Variants in TMEM183A observed in about 807,000 individuals in gnomAD.
TMEM183A encodes the protein transmembrane protein 183A, also known as chromosome 1 open reading frame 37.
A neutral mutation model predicts 46.7 loss-of-function variants in TMEM183A; 21 were observed. That is an observed-to-expected ratio of 0.45 (90% CI 0.32 to 0.65). TMEM183A has a LOEUF of 0.65. TMEM183A is among the 30% of genes least tolerant of loss of function. The pLI, the probability that TMEM183A is intolerant of heterozygous loss-of-function variation, is 0.04. For missense variants in TMEM183A, 331 were observed against 481.9 expected, an observed-to-expected ratio of 0.69 and a Z score of 2.93; for synonymous variants, 165 against 180.2, an observed-to-expected ratio of 0.92 and a Z score of 0.68.
intron 3 of TMEM183A, among the ~76,000 whole-genome samples, chr1:203,009,492 A>G (rs1245255663): frequency 6.6e-6 from 1 of 152,056 alleles, no homozygotes; most frequent in South Asian, 2.1e-4. Context: ...TTATTTATTT[A>G]TTTTTTTGAG....
chr1:203,008,387 C>T lies in TMEM183A; in HGVS notation c.200-256C>T, dbSNP rs1466702799. Among the ~76,000 whole-genome samples, 5 of 151,510 alleles carry T rather than the reference C, an allele frequency of 3.3e-5. No homozygotes were observed. In the South Asian group the frequency reaches 8.3e-4, roughly 25 times the overall value. On this transcript the variant is annotated intron_variant, in intron 2 of 7. Coordinates refer to ENST00000367242, the MANE Select transcript of TMEM183A (RefSeq NM_138391.6). ...GTTTATAGTGGAAAAATTGTACACA[C>T]CTTTTTTCTTCAGGGCTGAAAAAAG...
chr1:203,008,447 G>A (rs944773661), intron 2 of TMEM183A, among the ~76,000 whole-genome samples, 196 bp from the exon 3 acceptor site: 2 of 108,430 alleles, frequency 1.8e-5, no homozygotes, highest in Non-Finnish European at 3.7e-5. Context: ...TTTGCCCATT[G>A]CTTTCCTTTT....
intron 7 of TMEM183A, among the ~76,000 whole-genome samples, chr1:203,021,391 G>A (rs949527858): frequency 3.3e-5 from 5 of 152,040 alleles, no homozygotes; most frequent in African/African-American, 7.2e-5. Context: ...AACCATGAAG[G>A]AAGGTATCTT....
intron 3 of TMEM183A, among the ~76,000 whole-genome samples, chr1:203,010,300 AATT>A (rs1656437940): frequency 6.6e-6 from 1 of 152,118 alleles, no homozygotes; most frequent in South Asian, 2.1e-4. Context: ...ATTGCTTTGG[AATT>A]ATTCTAGTTA....
At position 203,023,435 on chromosome 1, in the gene TMEM183A, ATTG is replaced by A. The variant is rs1657907050; in HGVS notation, c.*399_*401del. 1 of 152,830 alleles carries A rather than the reference ATTG, an allele frequency of 6.5e-6. No individual in the cohort carries two copies. Among genetic ancestry groups the A allele is most frequent in the African/African-American group, 2.4e-5 (1 of 41,332 alleles). The allele number at this position is 152,830 out of a possible 1,614,324, so 9.5% of individuals were successfully genotyped here. On this transcript the variant is annotated 3_prime_UTR_variant, in exon 8 of 8. Coordinates refer to ENST00000367242, the MANE Select transcript of TMEM183A (RefSeq NM_138391.6). The stretch of plus-strand genomic sequence containing the variant: ...ATCAGAGGAACCTTAGAGGCCTGAA[ATTG>A]TTGCTTCCAGTTTAGCTGCCCCTCA...
At chr1:203,021,403 T>G (rs1657669324) in intron 7 of TMEM183A, among the ~76,000 whole-genome samples, 1 of 152,112 alleles carries the variant, frequency 6.6e-6, no homozygotes, top group African/African-American at 2.4e-5. Context: ...AGGTATCTTT[T>G]TTCAAAAAAA....
chr1:203,019,890 C>A (rs1218249123), intron 6 of TMEM183A, among the ~76,000 whole-genome samples: 1 of 151,678 alleles, frequency 6.6e-6, no homozygotes, highest in Non-Finnish European at 1.5e-5. Context: ...ACCCTATATT[C>A]TTATGTGGAA....
intron 5 of TMEM183A, chr1:203,017,892 G>A (rs566309947): frequency 4.9e-5 from 48 of 986,178 alleles, no homozygotes; most frequent in African/African-American, 7.0e-5. Flanking sequence ...CTGGCACGGC[G>A]GACGACCCAC....
Position 203,010,637 on chromosome 1 carries a change from A to C in TMEM183A, c.367+1827A>C, listed in dbSNP as rs1265669203. On this transcript the variant is annotated intron_variant, in intron 3 of 7. Transcript: ENST00000367242. ...TCACTTGAAATCGCTACTTATCACC[A>C]TTCTATTAGGGATTTATCTTCTTGT... Among the ~76,000 whole-genome samples, 3 of 152,288 alleles carry C rather than the reference A, an allele frequency of 2.0e-5. 1 individual carries two copies. In the South Asian group the frequency reaches 6.2e-4, roughly 32 times the overall value.
intron 3 of TMEM183A, among the ~76,000 whole-genome samples, chr1:203,010,473 T>C (rs146667202): frequency 2.0e-5 from 3 of 152,204 alleles, no homozygotes; most frequent in African/African-American, 7.2e-5. Context: ...CGATTAGGGC[T>C]GCTCGACCAA....
rs919343123 is a variant in TMEM183A, at chr1:203,008,878, C to T, written c.367+68C>T. 38 of 1,425,820 alleles carry T rather than the reference C, an allele frequency of 2.7e-5. No individual in the cohort carries two copies. In the African/African-American group the frequency reaches 4.6e-4, roughly 17 times the overall value. 88.3% of individuals were successfully genotyped at this position (1,425,820 alleles called of 1,614,324 possible). On this transcript the variant is annotated intron_variant, in intron 3 of 7. Coordinates refer to ENST00000367242, the MANE Select transcript of TMEM183A (RefSeq NM_138391.6). ...GTGACAAATTGAAGATGTTACTTTC[C>T]CAGTAGCACAGGAGGAGATATAAGA... is the stretch of plus-strand genomic sequence containing the variant.
chr1:203,016,271 T>G (rs1301329098), intron 5 of TMEM183A, 131 bp downstream of exon 5: 1 of 1,314,928 alleles, frequency 7.6e-7, no homozygotes. Context: ...AATGTAAACT[T>G]CAGGGCTCAG....
rs767389154 is a variant in TMEM183A, at chr1:203,022,932, T to C, written c.1023T>C (p.Gly341=). 8.7e-6 allele frequency: 14 copies of C among 1,613,026 alleles called. No individual in the cohort carries two copies. The African/African-American group carries it at 1.7e-4, about 20-fold the overall frequency. ...TCCAAGATTCCCCTGTCCATGGTGG[T>C]CGGAAACTGCGCAGTGAACAGGGTG... The part of the protein sequence containing the change: ...LVFQDSPVHG[G]RKLRSEQGVQ... Residue 341 remains glycine, a synonymous_variant, in exon 8 of 8, where the codon GGT becomes GGC. Transcript: ENST00000367242.
Position 203,018,576 on chromosome 1 carries a change from CT to C in TMEM183A, c.789+18del, listed in dbSNP as rs900623897. On this transcript the variant is annotated intron_variant, in intron 6 of 7. Coordinates refer to ENST00000367242, the MANE Select transcript of TMEM183A (RefSeq NM_138391.6). ...TCAAAAAACAGGTACGTGGTCTTCTCTTTGTTTTTCAGATAATACCTTGTTC... is the reference window on the plus strand; with the variant it reads ...TCAAAAAACAGGTACGTGGTCTTCTCTTGTTTTTCAGATAATACCTTGTTC... 6 of 1,611,432 alleles carry C rather than the reference CT, an allele frequency of 3.7e-6. No individual in the cohort carries two copies. Among genetic ancestry groups the C allele is most frequent in the Middle Eastern group, 1.7e-4 (1 of 5,978 alleles).
intron 6 of TMEM183A, among the ~76,000 whole-genome samples, chr1:203,019,894 T>G (rs191658975): frequency 1.3e-5 from 2 of 152,200 alleles, no homozygotes; most frequent in Non-Finnish European, 2.9e-5. Context: ...TATATTCTTA[T>G]GTGGAATTAT....
In TMEM183A at chr1:203,021,052, G is replaced by C. The variant is rs12035391; in HGVS notation, c.945+104G>C. The C allele has an allele frequency of 3.8e-5, 42 of 1,108,300 alleles. 3 individuals carry two copies. In the South Asian group the frequency reaches 7.3e-4, roughly 19 times the overall value. 68.7% of individuals were successfully genotyped at this position (1,108,300 alleles called of 1,614,324 possible). ...CTTTTTTTTTTTTTTTTTTTTAAGA[G>C]ACGTGGTCTCACTCTGTCACTCAGG... On this transcript the variant is annotated intron_variant, in intron 7 of 7. Coordinates refer to ENST00000367242, the MANE Select transcript of TMEM183A (RefSeq NM_138391.6).
intron 3 of TMEM183A, among the ~76,000 whole-genome samples, 162 bp downstream of exon 3, chr1:203,008,972 A>T (rs183503096): frequency 6.6e-6 from 1 of 152,300 alleles, no homozygotes; most frequent in East Asian, 1.9e-4. Flanking sequence ...CCGGGATTTA[A>T]TACACCTGGG....
At chr1:203,015,920 A>T in intron 4 of TMEM183A, 40 bp from the exon 5 acceptor site, 4 of 1,598,788 alleles carry the variant, frequency 2.5e-6, no homozygotes, top group Non-Finnish European at 3.4e-6. Flanking sequence ...AGCAGGAGAG[A>T]CAGGTCACAT....
chr1:203,022,832 C>G (rs1239042625), intron 7 of TMEM183A, 23 bp from the exon 8 acceptor site: 8 of 1,613,302 alleles, frequency 5.0e-6, no homozygotes, highest in South Asian at 1.1e-5. Flanking sequence ...AAGTTGGATA[C>G]TGAATTTGCT....
Sources: allele counts gnomAD v4.1 joint callset (sites outside exome capture counted in the v4.1 genomes callset), GRCh38; gene constraint gnomAD v4.1.1; transcripts MANE v1.5; gene names NCBI Gene and HGNC (gene_info 2026-07-23, HGNC 2026-07-21).